The following FRMD4A variants were observed in gnomAD, a reference collection of about 807,000 sequenced individuals.
FRMD4A encodes FERM domain containing 4A, also known as FERM domain-containing protein 4A.
FRMD4A carries 29 observed loss-of-function variants against 129.1 expected under a neutral mutation model. The ratio of observed to expected loss-of-function variants is 0.22; its 90% CI spans 0.17 to 0.31. FRMD4A has a LOEUF of 0.31. FRMD4A is among the 10% of genes least tolerant of loss of function. FRMD4A has a pLI of 1.00. For missense variants in FRMD4A, 1,272 were observed against 1,375.8 expected (o/e 0.92, Z 1.19); for synonymous variants, 634 against 571.6 (o/e 1.11, Z -1.56).
chr10:13,798,974 C>T (rs1448491794), intron 4 of FRMD4A, among the ~76,000 whole-genome samples: 26 of 152,104 alleles, frequency 1.7e-4, no homozygotes, highest in Admixed American at 1.3e-4. Flanking sequence ...AGGTCCGGCC[C>T]ATCCCGCAGG....
At chr10:14,000,668 A>AAAAAAAAAAAAAAAAAAAAAAAAAAAAG (rs1555009702) in intron 2 of FRMD4A, among the ~76,000 whole-genome samples, 7 of 74,516 alleles carry the variant, frequency 9.4e-5, no homozygotes, top group Admixed American at 1.4e-4. Context: ...AAAAAAAAAA[A>AAAAAAAAAAAAAAAAAAAAAAAAAAAAG]GAGAAGAAAG....
chr10:14,157,407 G>T (rs139250207), intron 2 of FRMD4A, among the ~76,000 whole-genome samples: 5 of 152,316 alleles, frequency 3.3e-5, no homozygotes, highest in African/African-American at 7.2e-5. Context: ...GGAGGTATTT[G>T]GTAGAGTGGA....
chr10:13,882,722 C>A (rs1017377989), intron 2 of FRMD4A, among the ~76,000 whole-genome samples: 6 of 152,152 alleles, frequency 3.9e-5, no homozygotes, highest in African/African-American at 1.4e-4. Context: ...GTTCCTCCAC[C>A]CCATCTTTCC....
chr10:14,155,643 C>T (rs61246898), intron 2 of FRMD4A, among the ~76,000 whole-genome samples: 5,202 of 152,084 alleles, frequency 0.034, 298 homozygotes, highest in African/African-American at 0.12. Context: ...GGATTAATGC[C>T]GCATACAATG....
chr10:14,089,401 G>A (rs1836501513), intron 2 of FRMD4A, among the ~76,000 whole-genome samples: 1 of 151,986 alleles, frequency 6.6e-6, no homozygotes, highest in Non-Finnish European at 1.5e-5. Flanking sequence ...AGGACGGGCT[G>A]GCCCAAGTCT....
intron 2 of FRMD4A, among the ~76,000 whole-genome samples, chr10:13,906,640 G>C (rs539438220): frequency 1.3e-5 from 2 of 152,104 alleles, no homozygotes; most frequent in Non-Finnish European, 2.9e-5. Context: ...TCAATCCTTG[G>C]TTTGAGCCTC....
At chr10:13,996,596 G>A (rs1441296705) in intron 2 of FRMD4A, among the ~76,000 whole-genome samples, 3 of 152,138 alleles carry the variant, frequency 2.0e-5, no homozygotes, top group Non-Finnish European at 4.4e-5. Context: ...AAATTAAAGG[G>A]GCTGGTGAAG....
Position 13,654,441 on chromosome 10 carries a change from G to A in FRMD4A, c.3025C>T (p.His1009Tyr), listed in dbSNP as rs776441796. Residue 1009 changes from histidine (H) to tyrosine (Y), a missense_variant, in exon 23 of 25, where the codon CAC (histidine) becomes TAC (tyrosine). His to Tyr is a moderately conservative substitution (Grantham distance 83, BLOSUM62 2). Transcript: ENST00000357447. ...EIGATPPSSP[H>Y]HILTWQTGEA... The stretch of plus-strand genomic sequence containing the variant: ...CCAGTCTGCCAGGTTAGGATGTGGT[G>A]GGGGCTGCTTGGGGGGGTGGCTCCA... The A allele has an allele frequency of 1.9e-6, 3 of 1,612,080 alleles. No homozygotes were observed. Among genetic ancestry groups the A allele is most frequent in the Non-Finnish European group, 2.5e-6 (3 of 1,178,178 alleles).
chr10:13,946,293 A>G (rs1411672463), intron 2 of FRMD4A, among the ~76,000 whole-genome samples: 2 of 152,224 alleles, frequency 1.3e-5, no homozygotes, highest in South Asian at 2.1e-4. Context: ...GGCTAAGGCT[A>G]GAACCAGGAA....
intron 3 of FRMD4A, among the ~76,000 whole-genome samples, chr10:13,840,967 G>T (rs977189350): frequency 1.3e-5 from 2 of 151,972 alleles, no homozygotes; most frequent in African/African-American, 4.8e-5. Flanking sequence ...AATTAGACAG[G>T]CATGGTGGTG....
At chr10:13,716,227 C>T (rs565092266) in intron 12 of FRMD4A, among the ~76,000 whole-genome samples, 4 of 152,290 alleles carry the variant, frequency 2.6e-5, no homozygotes, top group South Asian at 2.1e-4. Context: ...CCAATTCCTC[C>T]GTCCACTGCA....
intron 3 of FRMD4A, among the ~76,000 whole-genome samples, chr10:13,836,947 C>T (rs1321864530): frequency 4.6e-5 from 7 of 151,996 alleles, no homozygotes; most frequent in Non-Finnish European, 5.9e-5. Context: ...TTAGTAGAGA[C>T]GGGGTTTCAC....
At chr10:13,962,277 T>C (rs1588572279) in intron 2 of FRMD4A, among the ~76,000 whole-genome samples, 1 of 152,344 alleles carries the variant, frequency 6.6e-6, no homozygotes, top group East Asian at 1.9e-4. Flanking sequence ...AGCCACTAAC[T>C]TCTCTGAGCC....
intron 2 of FRMD4A, among the ~76,000 whole-genome samples, chr10:13,957,620 A>G (rs1215791334): frequency 6.6e-6 from 1 of 152,146 alleles, no homozygotes; most frequent in Non-Finnish European, 1.5e-5. Context: ...GGAAGAGTAA[A>G]AATCCTCCTT....
intron 2 of FRMD4A, among the ~76,000 whole-genome samples, chr10:14,031,578 C>A (rs181088130): frequency 6.6e-6 from 1 of 152,194 alleles, no homozygotes; most frequent in Admixed American, 6.5e-5. Flanking sequence ...TTTTTAATGG[C>A]TCTTTCCCAT....
At chr10:14,081,462 G>A (rs1013705841) in intron 2 of FRMD4A, among the ~76,000 whole-genome samples, 1 of 152,074 alleles carries the variant, frequency 6.6e-6, no homozygotes. Flanking sequence ...CCTGTGCAGT[G>A]GCAGAATTGA....
At chr10:14,097,447 T>A (rs1250830407) in intron 2 of FRMD4A, among the ~76,000 whole-genome samples, 1 of 152,122 alleles carries the variant, frequency 6.6e-6, no homozygotes, top group Non-Finnish European at 1.5e-5. Flanking sequence ...CTAAATGCTT[T>A]TAAGTGAATC....
chr10:14,270,058 C>T (rs987339162), intron 2 of FRMD4A, among the ~76,000 whole-genome samples: 1 of 152,198 alleles, frequency 6.6e-6, no homozygotes, highest in South Asian at 2.1e-4. Context: ...CTCCAGGTTT[C>T]CTGGCTTTGG....
chr10:13,727,076 A>G (rs2089950212), intron 12 of FRMD4A, among the ~76,000 whole-genome samples: 1 of 151,036 alleles, frequency 6.6e-6, no homozygotes, highest in South Asian at 2.1e-4. Flanking sequence ...CTAATTTTGT[A>G]TTTTTAGTAG....
Sources: gnomAD v4.1 joint callset for allele counts (sites outside exome capture counted in the v4.1 genomes callset) on GRCh38, gnomAD v4.1.1 for gene constraint, MANE v1.5 for transcripts, NCBI Gene and HGNC (gene_info 2026-07-23, HGNC 2026-07-21) for gene names.